The following FLNC variants were observed in gnomAD, a reference collection of about 807,000 sequenced individuals.
FLNC encodes filamin C, also known as filamin-C.
Under a neutral mutation model 254.3 loss-of-function variants are expected in FLNC, and 91 were observed. That is an observed-to-expected ratio of 0.36 (90% CI 0.30 to 0.43). The LOEUF is 0.43. Among genes scored for constraint, FLNC ranks in the 20% least tolerant of loss-of-function variants. The pLI, the probability that FLNC is intolerant of heterozygous loss-of-function variation, is 1.00. For missense variants in FLNC, 2,853 were observed against 3,802.6 expected (o/e 0.75, Z 6.57); for synonymous variants, 1,430 against 1,577.2 (o/e 0.91, Z 2.21).
At chr7:128,854,992 T>C in intron 42 of FLNC, 80 bp downstream of exon 42, 2 of 1,508,920 alleles carry the variant, frequency 1.3e-6, no homozygotes, top group Non-Finnish European at 1.8e-6. Context: ...AGGCAGGAGA[T>C]GCTTGGGGCC....
intron 6 of FLNC, 26 bp downstream of exon 6, chr7:128,838,090 T>C: frequency 1.3e-6 from 2 of 1,594,780 alleles, no homozygotes; most frequent in Non-Finnish European, 1.7e-6. Context: ...CCCCCCTGCC[T>C]GCGCTGCTCT....
chr7:128,831,013 G>C, intron 1 of FLNC, 24 bp downstream of exon 1: 1 of 1,596,428 alleles, frequency 6.3e-7, no homozygotes, highest in Non-Finnish European at 8.5e-7. Context: ...GCGAGGGCAC[G>C]GGCGCTGCGG....
rs377587489 is a variant in FLNC at position 128,838,774 on chromosome 7, G to A, written c.1382G>A (p.Arg461His). ...HVAFAGAPIT[R>H]SPFPVHVSEA... ...GCCTTTGCGGGTGCCCCCATCACCC[G>A]CAGTCCCTTCCCTGTCCATGTGTCG... The change falls in exon 8 of 48, where the codon CGC becomes CAC. Residue 461 changes from arginine (R) to histidine (H), a missense_variant. Around this residue, in one of 10 missense-constraint regions of FLNC, gnomAD observed 1,573 missense variants for 1,883.5 expected, o/e 0.84. Coordinates refer to ENST00000325888, the MANE Select transcript of FLNC (RefSeq NM_001458.5). 24 of 1,612,818 alleles carry A rather than the reference G, an allele frequency of 1.5e-5. No individual in the cohort carries two copies. The highest frequency in any genetic ancestry group is 4.0e-5 in the African/African-American group (3 of 74,910).
rs1563004705 is a variant in FLNC, at chr7:128,856,331, A to G, written c.7252-187A>G. ...CACAGCTAGGATAGCAGGTGCACAC[A>G]TAGGGTTGCATACCGGACCCTGGCT... is the stretch of plus-strand genomic sequence containing the variant. On this transcript the variant is annotated intron_variant, in intron 43 of 47. Transcript: ENST00000325888. The surrounding 1 kb of genome is among the most constrained non-coding windows in gnomAD (Gnocchi z 5.9). Among the ~76,000 whole-genome samples the G allele has an allele frequency of 6.6e-6, 1 of 152,166 alleles. No homozygotes were observed. The highest frequency in any genetic ancestry group is 2.4e-5 in the African/African-American group (1 of 41,446).
rs370264663 is a variant in FLNC at position 128,852,585 on chromosome 7, C to G, written c.5843-6C>G. 119 of 1,613,266 alleles carry G rather than the reference C, an allele frequency of 7.4e-5. No individual in the cohort carries two copies. The African/African-American group carries it at 1.1e-3, about 14-fold the overall frequency. ...TAGCAGCCTGATGCCCCAACTCCCC[C>G]ACCAGGTGATGACTCCATGAGGACC... On this transcript the variant is annotated splice_region_variant and splice_polypyrimidine_tract_variant and intron_variant, in intron 35 of 47. Transcript: ENST00000325888.
Position 128,846,416 on chromosome 7 carries a change from G to A in FLNC, c.4080G>A (p.Leu1360=), listed in dbSNP as rs1208783329. The A allele has an allele frequency of 1.2e-6, 2 of 1,607,234 alleles. No homozygotes were observed. The highest frequency in any genetic ancestry group is 2.2e-5 in the East Asian group (1 of 44,888). The change falls in exon 23 of 48, where the codon CTG becomes CTA. Residue 1360 remains leucine (L), a synonymous_variant. Transcript: ENST00000325888. ...PTRVRAFGPG[L]EGGLVNKANR... ...GCGTCCGAGCCTTCGGGCCAGGCCT[G>A]GAGGGTGGCTTGGTCAACAAGGCCA...
chr7:128,856,710 G>A lies in FLNC; in HGVS notation c.7385-35G>A. The A allele has an allele frequency of 6.2e-7, 1 of 1,614,052 alleles. No homozygotes were observed. The highest frequency in any genetic ancestry group is 1.3e-5 in the African/African-American group (1 of 75,050). On this transcript the variant is annotated intron_variant, in intron 44 of 47. Transcript: ENST00000325888. The surrounding 1 kb of genome is among the most constrained non-coding windows in gnomAD (Gnocchi z 5.9). ...GGCTGGGGCCTTCTGGGGAGGGGAAGGATGGAGGCTAAGCCACCAACCCTT... is the reference window on the plus strand; with the variant it reads ...GGCTGGGGCCTTCTGGGGAGGGGAAAGATGGAGGCTAAGCCACCAACCCTT...
chr7:128,833,621 C>G (rs367558504), intron 1 of FLNC, among the ~76,000 whole-genome samples: 13 of 151,928 alleles, frequency 8.6e-5, no homozygotes, highest in African/African-American at 1.2e-4. Flanking sequence ...TACACACCGC[C>G]CCCCCCAACC....
chr7:128,845,206 G>A lies in FLNC; in HGVS notation c.3741G>A (p.Ala1247=), dbSNP rs763047367. 9 of 1,613,876 alleles carry A rather than the reference G, an allele frequency of 5.6e-6. No individual in the cohort carries two copies. Among genetic ancestry groups the A allele is most frequent in the South Asian group, 3.3e-5 (3 of 91,074 alleles). The change falls in exon 21 of 48, where the codon GCG becomes GCA. Residue 1247 remains alanine, a synonymous_variant. Transcript: ENST00000325888. ...KFPTRVHVQP[A]VDTSGVKVSG... Reference sequence around the variant, plus strand: ...CCACCCGTGTCCATGTGCAGCCTGCGGTCGATACCAGTGGCGTCAAGGTCT... The same window carrying A: ...CCACCCGTGTCCATGTGCAGCCTGCAGTCGATACCAGTGGCGTCAAGGTCT...
Position 128,844,261 on chromosome 7 carries a change from T to C in FLNC, c.3187T>C (p.Ser1063Pro). The C allele has an allele frequency of 6.2e-7, 1 of 1,604,730 alleles. No individual in the cohort carries two copies. Among genetic ancestry groups the C allele is most frequent in the Non-Finnish European group, 8.5e-7 (1 of 1,174,294 alleles). ...AVEGVLPPDPSKVCAYGPGLK... is the reference protein window; with the variant it reads ...AVEGVLPPDPPKVCAYGPGLK... ...GGAGGGTGTCCTGCCCCCTGATCCCTCCAAGGTGAGGAGATAGGAGCTGGT... is the reference window on the plus strand; with the variant it reads ...GGAGGGTGTCCTGCCCCCTGATCCCCCCAAGGTGAGGAGATAGGAGCTGGT... Residue 1063 changes from serine to proline, a missense_variant, in exon 20 of 48, where the codon TCC (serine) becomes CCC (proline). This residue lies in a region of FLNC where 1,573 missense variants were observed against 1,883.5 expected (regional missense o/e 0.84). Coordinates refer to ENST00000325888, the MANE Select transcript of FLNC (RefSeq NM_001458.5).
At chr7:128,840,717 A>G (rs1808296062) in intron 10 of FLNC, 43 bp downstream of exon 10, 1 of 1,611,700 alleles carries the variant, frequency 6.2e-7, no homozygotes, top group Non-Finnish European at 8.5e-7. Flanking sequence ...CTAGGCCATC[A>G]CAGGGAGGGA....
rs747678267 is a variant in FLNC at position 128,845,171 on chromosome 7, C to T, written c.3706C>T (p.Pro1236Ser). The change falls in exon 21 of 48, where the codon CCC (proline) becomes TCC (serine). Residue 1236 changes from proline (P) to serine (S), a missense_variant. Coordinates refer to ENST00000325888, the MANE Select transcript of FLNC (RefSeq NM_001458.5). The part of the protein sequence containing the change: ...ITIKYGGHPV[P>S]KFPTRVHVQP... Reference sequence around the variant, plus strand: ...CATCAAGTATGGCGGGCATCCCGTGCCCAAATTCCCCACCCGTGTCCATGT... The same window carrying T: ...CATCAAGTATGGCGGGCATCCCGTGTCCAAATTCCCCACCCGTGTCCATGT... The T allele has an allele frequency of 7.4e-6, 12 of 1,613,934 alleles. No homozygotes were observed. The East Asian group carries it at 2.5e-4, about 33-fold the overall frequency.
rs115214445 is a variant in FLNC at position 128,855,590 on chromosome 7, C to T, written c.7251+276C>T. On this transcript the variant is annotated intron_variant, in intron 43 of 47. Coordinates refer to ENST00000325888, the MANE Select transcript of FLNC (RefSeq NM_001458.5). ...CTGCCATTTCTTGTTACAGTTTGTT[C>T]CACCTTCTGTTGTAAGAATGCTAGA... is the stretch of plus-strand genomic sequence containing the variant. Among the ~76,000 whole-genome samples, 1,568 of 152,314 alleles carry T rather than the reference C, an allele frequency of 0.01. 19 individuals carry two copies. Among genetic ancestry groups the T allele is most frequent in the African/African-American group, 0.036 (1,493 of 41,552 alleles).
Position 128,843,259 on chromosome 7 carries a change from G to T in FLNC, c.2581G>T (p.Val861Leu). 1 of 1,609,590 alleles carries T rather than the reference G, an allele frequency of 6.2e-7. No individual in the cohort carries two copies. The highest frequency in any genetic ancestry group is 8.5e-7 in the Non-Finnish European group (1 of 1,177,956). Residue 861 changes from valine (V) to leucine (L), a missense_variant, in exon 17 of 48, where the codon GTG becomes TTG. Coordinates refer to ENST00000325888, the MANE Select transcript of FLNC (RefSeq NM_001458.5). ...CCCCGCCAGCCCCTTCCACATCAAGGTGGACCCATCCCACGATGCCAGCAA... is the reference window on the plus strand; with the variant it reads ...CCCCGCCAGCCCCTTCCACATCAAGTTGGACCCATCCCACGATGCCAGCAA... The part of the protein sequence containing the change: ...EIPASPFHIK[V>L]DPSHDASKVK...
intron 20 of FLNC, 70 bp downstream of exon 20, chr7:128,844,336 G>T: frequency 6.6e-7 from 1 of 1,511,152 alleles, no homozygotes; most frequent in Non-Finnish European, 8.9e-7. Flanking sequence ...GTCATAGGGG[G>T]CAGAGGCCAG....
At position 128,848,952 on chromosome 7, in the gene FLNC, A is replaced by G. The variant is rs753311275; in HGVS notation, c.4897A>G (p.Thr1633Ala). The G allele has an allele frequency of 3.1e-6, 5 of 1,612,472 alleles. No homozygotes were observed. The highest frequency in any genetic ancestry group is 1.7e-5 in the Admixed American group (1 of 59,992). ...GCCCTTCCGCATCCATGCTCTGCCC[A>G]CTGGGGATGCCAGCAAGTGCCTCGT... ...YSPFRIHALP[T>A]GDASKCLVTV... is the part of the protein sequence containing the mutation. The change falls in exon 28 of 48, where the codon ACT becomes GCT. Residue 1633 changes from threonine to alanine, a missense_variant. Coordinates refer to ENST00000325888, the MANE Select transcript of FLNC (RefSeq NM_001458.5).
In FLNC at chr7:128,835,194, G is replaced by A. The variant is rs1808047382; in HGVS notation, c.353-132G>A. Reference sequence around the variant, plus strand: ...TGAGTGGGGCCTCGCAGGAGGGAGAGGGTCAGGTAGGCAGAGACTAGAGGC... The same window carrying A: ...TGAGTGGGGCCTCGCAGGAGGGAGAAGGTCAGGTAGGCAGAGACTAGAGGC... On this transcript the variant is annotated intron_variant, in intron 1 of 47. Coordinates refer to ENST00000325888, the MANE Select transcript of FLNC (RefSeq NM_001458.5). The surrounding 1 kb of genome is among the most constrained non-coding windows in gnomAD (Gnocchi z 5.3). The A allele has an allele frequency of 8.3e-7, 1 of 1,200,630 alleles. No individual in the cohort carries two copies. The highest frequency in any genetic ancestry group is 1.5e-5 in the African/African-American group (1 of 66,886). 74.4% of individuals were successfully genotyped at this position (1,200,630 alleles called of 1,614,324 possible).
intron 1 of FLNC, among the ~76,000 whole-genome samples, chr7:128,833,626 C>T (rs910831367): frequency 1.8e-4 from 27 of 152,322 alleles, no homozygotes; most frequent in African/African-American, 6.3e-4. Context: ...ACCGCCCCCC[C>T]CAACCCCTGC....
chr7:128,849,842 C>A, intron 30 of FLNC, 134 bp from the exon 31 acceptor site: 1 of 797,012 alleles, frequency 1.3e-6, no homozygotes. Context: ...GCTCCATCTC[C>A]CCAGAGGCTG....
Sources: gnomAD v4.1 joint callset for allele counts (sites outside exome capture counted in the v4.1 genomes callset) on GRCh38, gnomAD v4.1.1 for gene constraint, gnomAD v4.1.1 regional missense constraint, Gnocchi (gnomAD v3.1) non-coding constraint, MANE v1.5 for transcripts, NCBI Gene and HGNC (gene_info 2026-07-23, HGNC 2026-07-21) for gene names.